MTHFD1L: variants seen among roughly 807,000 people sequenced by gnomAD.
The protein encoded by MTHFD1L is monofunctional C1-tetrahydrofolate synthase, mitochondrial.
In MTHFD1L, 81 loss-of-function variants were observed where a neutral mutation model predicts 119.5. The ratio of observed to expected loss-of-function variants is 0.68; its 90% CI spans 0.57 to 0.82. The LOEUF is 0.82. MTHFD1L is among the 40% of genes least tolerant of loss of function. The probability of loss-of-function intolerance (pLI) is 0.00; values close to 1 mark genes in which losing one functional copy is unlikely to be tolerated. For synonymous variants in MTHFD1L, 430 were observed against 475.2 expected (o/e 0.90, Z 1.24); for missense variants, 1,125 against 1,253.4 (o/e 0.90, Z 1.55).
intron 18 of MTHFD1L, among the ~76,000 whole-genome samples, chr6:150,962,952 A>G (rs138178025): frequency 1.9e-3 from 186 of 97,862 alleles, no homozygotes; most frequent in African/African-American, 7.4e-3. Flanking sequence ...GTCTTGCTCT[A>G]TTGCCCAGGC....
At chr6:150,908,644 G>GA (rs1235908755) in intron 8 of MTHFD1L, among the ~76,000 whole-genome samples, 58 of 144,402 alleles carry the variant, frequency 4.0e-4, no homozygotes, top group Non-Finnish European at 5.7e-4. Context: ...AAAAAGAAAA[G>GA]AAAAAAAAAT....
intron 27 of MTHFD1L, among the ~76,000 whole-genome samples, chr6:151,098,785 C>G (rs75712456): frequency 6.6e-6 from 1 of 152,180 alleles, no homozygotes; most frequent in African/African-American, 2.4e-5. Context: ...ACAACAGATT[C>G]GTTTTTACAT....
chr6:151,084,551 T>C (rs939936170), intron 26 of MTHFD1L, among the ~76,000 whole-genome samples: 2 of 152,192 alleles, frequency 1.3e-5, no homozygotes, highest in Non-Finnish European at 2.9e-5. Flanking sequence ...AGTGTGGGGA[T>C]TGCGAGTGTG....
chr6:150,963,141 C>T (rs1796697832), intron 18 of MTHFD1L, among the ~76,000 whole-genome samples: 2 of 152,052 alleles, frequency 1.3e-5, no homozygotes, highest in Admixed American at 6.5e-5. Flanking sequence ...GTCTCGAACT[C>T]CTGACCCCAG....
intron 2 of MTHFD1L, 34 bp from the exon 3 acceptor site, chr6:150,877,600 T>C (rs1037649692): frequency 8.1e-6 from 13 of 1,611,502 alleles, no homozygotes; most frequent in Non-Finnish European, 1.1e-5. Flanking sequence ...TTCAAGCTAT[T>C]TTTATGTTGT....
At chr6:151,046,699 T>C (rs1788146307) in intron 26 of MTHFD1L, among the ~76,000 whole-genome samples, 1 of 152,110 alleles carries the variant, frequency 6.6e-6, no homozygotes, top group Admixed American at 6.6e-5. Flanking sequence ...GTTACACTTT[T>C]CTCTTATTAC....
chr6:150,942,368 A>T (rs1313026318), intron 13 of MTHFD1L, among the ~76,000 whole-genome samples: 1 of 152,238 alleles, frequency 6.6e-6, no homozygotes, highest in Non-Finnish European at 1.5e-5. Flanking sequence ...TTTGGCAAAG[A>T]AATTGAAATG....
At chr6:151,015,809 C>CG in intron 24 of MTHFD1L, 116 bp downstream of exon 24, 1 of 1,265,606 alleles carries the variant, frequency 7.9e-7, no homozygotes, top group Non-Finnish European at 1.1e-6. Flanking sequence ...AGTTTAGGCC[C>CG]GGTGCAGTGG....
chr6:150,971,024 TAAAGCTACATTTATACA>T (rs1388354609), intron 19 of MTHFD1L, among the ~76,000 whole-genome samples: 1 of 152,152 alleles, frequency 6.6e-6, no homozygotes, highest in Non-Finnish European at 1.5e-5. Flanking sequence ...GATTTCTAGC[TAAAGCTACATTTATACA>T]AAAATATAAA....
intron 19 of MTHFD1L, among the ~76,000 whole-genome samples, chr6:150,969,475 G>A (rs1323438062): frequency 1.4e-5 from 2 of 146,158 alleles, no homozygotes; most frequent in African/African-American, 2.6e-5. Context: ...CAGCCTGGGC[G>A]ACAGATTGAG....
chr6:150,984,139 A>G (rs1777929201), intron 20 of MTHFD1L, among the ~76,000 whole-genome samples: 1 of 152,238 alleles, frequency 6.6e-6, no homozygotes, highest in Non-Finnish European at 1.5e-5. Context: ...AAAATTCTTT[A>G]AATAAAATGT....
chr6:151,022,606 T>G (rs1286559904), intron 24 of MTHFD1L, among the ~76,000 whole-genome samples: 1 of 152,192 alleles, frequency 6.6e-6, no homozygotes, highest in Non-Finnish European at 1.5e-5. Context: ...TGAAAGGCTG[T>G]CCTTTCTTTT....
intron 26 of MTHFD1L, among the ~76,000 whole-genome samples, chr6:151,045,187 G>A (rs1315702561): frequency 6.6e-6 from 1 of 152,132 alleles, no homozygotes; most frequent in Non-Finnish European, 1.5e-5. Context: ...TAAATCAAAT[G>A]CATGACCCTT....
chr6:150,929,149 G>A (rs1298039155), intron 11 of MTHFD1L, among the ~76,000 whole-genome samples: 2 of 152,190 alleles, frequency 1.3e-5, no homozygotes. Flanking sequence ...ATTGGCTCCG[G>A]GGTCTCTGAG....
chr6:151,100,668 A>G (rs938351968), intron 27 of MTHFD1L, among the ~76,000 whole-genome samples: 1 of 143,726 alleles, frequency 7.0e-6, no homozygotes, highest in East Asian at 2.0e-4. Context: ...AATGTAGTTT[A>G]TTTCTCTTTC....
chr6:150,945,733 C>T (rs1228604163), intron 15 of MTHFD1L, among the ~76,000 whole-genome samples, 192 bp downstream of exon 15: 2 of 152,080 alleles, frequency 1.3e-5, no homozygotes, highest in Non-Finnish European at 2.9e-5. Flanking sequence ...TGGTTCTACA[C>T]GAAAGAGCCA....
chr6:150,998,822 C>CAAAAAAAAAAAA (rs72203332), intron 20 of MTHFD1L, among the ~76,000 whole-genome samples: 1 of 101,126 alleles, frequency 9.9e-6, no homozygotes, highest in Non-Finnish European at 2.1e-5. Flanking sequence ...TCTAAAAATA[C>CAAAAAAAAAAAA]AAAAAAAAAA....
chr6:150,866,294 C>T, intron 1 of MTHFD1L: 1 of 1,474,096 alleles, frequency 6.8e-7, no homozygotes, highest in South Asian at 1.3e-5. Context: ...TGGGCATCTC[C>T]AATGGGCGCC....
In MTHFD1L at chr6:151,078,470, A is replaced by G. The variant is rs150665902; in HGVS notation, c.2848-13997A>G. ...AAACAGCTCACATGTATTATCTTCC[A>G]TTTCTCTGGGTCAGCTTAGCTGGGT... is the stretch of plus-strand genomic sequence containing the variant. On this transcript the variant is annotated intron_variant, in intron 26 of 27. Coordinates refer to ENST00000367321, the MANE Select transcript of MTHFD1L (RefSeq NM_015440.5). 3.6e-3 allele frequency among the ~76,000 whole-genome samples: 552 copies of G among 152,236 alleles called. 15 individuals are homozygous for G. The highest frequency in any genetic ancestry group is 0.013 in the African/African-American group (527 of 41,524).
Sources: allele counts gnomAD v4.1 joint callset (sites outside exome capture counted in the v4.1 genomes callset), GRCh38; gene constraint gnomAD v4.1.1; transcripts MANE v1.5; gene names NCBI Gene and HGNC (gene_info 2026-07-23, HGNC 2026-07-21).